KYAT3: variants seen among roughly 807,000 people sequenced by gnomAD.
KYAT3 encodes the protein kynurenine aminotransferase 3, also known as kynurenine--oxoglutarate transaminase 3.
A neutral mutation model predicts 59.0 loss-of-function variants in KYAT3; 50 were observed. The observed-to-expected ratio is 0.85, with a 90% CI of 0.68 to 1.07. The LOEUF is 1.07. Ranked by LOEUF, KYAT3 falls within the 50% of genes least tolerant of loss-of-function variation. The pLI, the probability that KYAT3 is intolerant of heterozygous loss-of-function variation, is 0.00. For synonymous variants in KYAT3, 148 were observed against 177.0 expected (o/e 0.84, Z 1.30); for missense variants, 497 against 533.3 (o/e 0.93, Z 0.67).
intron 2 of KYAT3, among the ~76,000 whole-genome samples, chr1:88,984,355 C>T (rs554762983): frequency 9.1e-4 from 139 of 151,992 alleles, no homozygotes; most frequent in African/African-American, 3.3e-3. Flanking sequence ...GCTTGGATTA[C>T]CGGCATGCGC....
the KYAT3 span, among the ~76,000 whole-genome samples, chr1:88,922,009 A>G: frequency 2.0e-5 from 3 of 152,216 alleles, no homozygotes; most frequent in African/African-American, 7.2e-5. Context: ...ACTGTGGCCT[A>G]GCCAAGTTGA....
At position 88,982,388 on chromosome 1, in the gene KYAT3, G is replaced by T. The variant is rs1025689572; in HGVS notation, c.99+5864C>A. 25 of 808,960 alleles carry T rather than the reference G, an allele frequency of 3.1e-5. No homozygotes were observed. In the African/African-American group the frequency reaches 4.2e-4, roughly 14 times the overall value. The allele number at this position is 808,960 out of a possible 1,614,324, so 50.1% of individuals were successfully genotyped here. ...GTGGTCTTTAGGGACACCTTTACTT[G>T]GAAAGTTACAACACTAGTACTACAA... On this transcript the variant is annotated intron_variant, in intron 2 of 13. Transcript: ENST00000260508.
intron 10 of KYAT3, 39 bp from the exon 11 acceptor site, chr1:88,949,316 G>A (rs763081722): frequency 1.1e-5 from 15 of 1,412,318 alleles, no homozygotes; most frequent in Admixed American, 2.6e-5. Context: ...AAGGCATATG[G>A]CAATGTTATT....
At position 88,992,571 on chromosome 1, in the gene KYAT3, C is replaced by A. The variant is rs908500427; in HGVS notation, c.-2+14G>T. ...CGGAAGCGCCGCGCCGCGCCGCGCG[C>A]CCGCCCCACTCACCTATCCGGTGCG... On this transcript the variant is annotated intron_variant, in intron 1 of 13. Coordinates refer to ENST00000260508, the MANE Select transcript of KYAT3 (RefSeq NM_001008661.3). 46 of 152,968 alleles carry A rather than the reference C, an allele frequency of 3.0e-4. No individual in the cohort carries two copies. Among genetic ancestry groups the A allele is most frequent in the African/African-American group, 1.1e-3 (44 of 41,588 alleles). The allele number at this position is 152,968 out of a possible 1,614,324, so 9.5% of individuals were successfully genotyped here.
chr1:88,976,476 T>C (rs1464489181), intron 2 of KYAT3, among the ~76,000 whole-genome samples: 1 of 152,220 alleles, frequency 6.6e-6, no homozygotes, highest in African/African-American at 2.4e-5. Flanking sequence ...GCAGTGCCAG[T>C]CATATAAAAG....
At chr1:88,951,126 A>G (rs141051738) in intron 10 of KYAT3, among the ~76,000 whole-genome samples, 1 of 152,262 alleles carries the variant, frequency 6.6e-6, no homozygotes, top group Non-Finnish European at 1.5e-5. Flanking sequence ...GGAGGCTTTC[A>G]AAGATTACCC....
At chr1:88,978,104 T>C (rs1483272047) in intron 2 of KYAT3, among the ~76,000 whole-genome samples, 1 of 152,034 alleles carries the variant, frequency 6.6e-6, no homozygotes, top group African/African-American at 2.4e-5. Flanking sequence ...GTATATAATA[T>C]ACACATGTAT....
At chr1:88,953,903 T>C (rs1675790690) in intron 9 of KYAT3, among the ~76,000 whole-genome samples, 1 of 115,260 alleles carries the variant, frequency 8.7e-6, no homozygotes, top group Non-Finnish European at 1.8e-5. Context: ...CTTCTTCTTC[T>C]TCTTTTTTTT....
At chr1:88,924,469 AT>A in the KYAT3 span, among the ~76,000 whole-genome samples, 2 of 151,874 alleles carry the variant, frequency 1.3e-5, no homozygotes, top group African/African-American at 4.9e-5. Context: ...GAAAAAAAAA[AT>A]TCCTTTGTTC....
At chr1:88,973,845 T>C (rs1676654479) in intron 2 of KYAT3, among the ~76,000 whole-genome samples, 1 of 152,182 alleles carries the variant, frequency 6.6e-6, no homozygotes, top group Non-Finnish European at 1.5e-5. Flanking sequence ...CATCAAAGTT[T>C]CAATTGTATA....
chr1:88,961,160 T>C lies in KYAT3; in HGVS notation c.787+7A>G, dbSNP rs985775319. ...TTAGATATGTGACTCTGTGTTATAG[T>C]TGGTACCTATTTTTAAGTGCTTATT... On this transcript the variant is annotated splice_region_variant and intron_variant, in intron 8 of 13. Transcript: ENST00000260508. The C allele has an allele frequency of 1.9e-6, 3 of 1,613,000 alleles. No homozygotes were observed. Among genetic ancestry groups the C allele is most frequent in the East Asian group, 2.2e-5 (1 of 44,826 alleles).
intron 11 of KYAT3, 68 bp from the exon 12 acceptor site, chr1:88,943,491 C>G: frequency 1.2e-6 from 1 of 821,950 alleles, no homozygotes. Context: ...TCATTTAAGT[C>G]TATCAAGATT....
At chr1:88,929,822 C>T in the KYAT3 span, among the ~76,000 whole-genome samples, 3 of 152,316 alleles carry the variant, frequency 2.0e-5, no homozygotes, top group African/African-American at 7.2e-5. Flanking sequence ...AACACTAAAG[C>T]AACTAAGAGG....
intron 1 of KYAT3, among the ~76,000 whole-genome samples, chr1:88,989,468 G>A (rs1352304014): frequency 6.6e-6 from 1 of 152,170 alleles, no homozygotes; most frequent in East Asian, 1.9e-4. Context: ...TAAGGTTTGA[G>A]TTAAAGCAAG....
At chr1:88,923,407 C>A in the KYAT3 span, 1 of 153,514 alleles carries the variant, frequency 6.5e-6, no homozygotes, top group South Asian at 2.0e-4. Flanking sequence ...AAGCCACCCC[C>A]CGACAGCCTG....
chr1:88,963,425 A>C (rs1478607119), intron 5 of KYAT3, among the ~76,000 whole-genome samples: 1 of 152,210 alleles, frequency 6.6e-6, no homozygotes, highest in Non-Finnish European at 1.5e-5. Context: ...TAGTGAAGGG[A>C]ATCAAAGTTG....
rs1677222104 is a variant in KYAT3 at position 88,983,423 on chromosome 1, G to C, written c.99+4829C>G. 2 of 1,614,066 alleles carry C rather than the reference G, an allele frequency of 1.2e-6. No individual in the cohort carries two copies. The highest frequency in any genetic ancestry group is 1.7e-5 in the Admixed American group (1 of 60,014). ...GGAAGAACTCATGTTAAAATTCATG[G>C]AATATCCACCATCATCCATGTGTCC... On this transcript the variant is annotated intron_variant, in intron 2 of 13. Transcript: ENST00000260508.
chr1:88,974,756 G>C (rs911208835), intron 2 of KYAT3, among the ~76,000 whole-genome samples: 2 of 152,150 alleles, frequency 1.3e-5, no homozygotes, highest in Non-Finnish European at 2.9e-5. Flanking sequence ...GCACCAATCA[G>C]CGCTCTGGGT....
the KYAT3 span, among the ~76,000 whole-genome samples, chr1:88,927,862 C>T: frequency 6.6e-6 from 1 of 152,094 alleles, no homozygotes; most frequent in Non-Finnish European, 1.5e-5. Flanking sequence ...AGACACTAAC[C>T]CCAAATGAGA....
Sources: allele counts gnomAD v4.1 joint callset (sites outside exome capture counted in the v4.1 genomes callset), GRCh38; gene constraint gnomAD v4.1.1; transcripts MANE v1.5; gene names NCBI Gene and HGNC (gene_info 2026-07-23, HGNC 2026-07-21).